Variants in ARID1B observed in about 807,000 individuals in gnomAD.
ARID1B encodes AT-rich interactive domain-containing protein 1B.
In ARID1B, 30 loss-of-function variants were observed where a neutral mutation model predicts 212.3. The ratio of observed to expected loss-of-function variants is 0.14; its 90% CI spans 0.11 to 0.19. The LOEUF is 0.19. Ranked by LOEUF, ARID1B falls within the 10% of genes least tolerant of loss-of-function variation. The pLI is 1.00. For synonymous variants in ARID1B, 1,402 were observed against 1,301.7 expected, an observed-to-expected ratio of 1.08 and a Z score of -1.66; for missense variants, 2,891 against 3,204.0, an observed-to-expected ratio of 0.90 and a Z score of 2.36.
At chr6:156,814,373 T>G (rs1354838694) in intron 1 of ARID1B, among the ~76,000 whole-genome samples, 1 of 152,044 alleles carries the variant, frequency 6.6e-6, no homozygotes, top group Non-Finnish European at 1.5e-5. Context: ...CGCACTACAG[T>G]CTGGGTGACA....
At chr6:157,029,054 C>A (rs1157100754) in intron 4 of ARID1B, among the ~76,000 whole-genome samples, 1 of 152,152 alleles carries the variant, frequency 6.6e-6, no homozygotes, top group Non-Finnish European at 1.5e-5. Context: ...AAAGATCTAT[C>A]TTTGAGCAAC....
At chr6:157,007,726 GT>G (rs34711541) in intron 4 of ARID1B, among the ~76,000 whole-genome samples, 38,119 of 138,294 alleles carry the variant, frequency 0.28, 5,147 homozygotes, top group Non-Finnish European at 0.32. Context: ...GCCCTAAGTT[GT>G]TTTTTTTTTT....
chr6:156,905,478 A>G (rs376697589), intron 3 of ARID1B, among the ~76,000 whole-genome samples: 21 of 152,362 alleles, frequency 1.4e-4, no homozygotes, highest in African/African-American at 5.1e-4. Context: ...GCCCACCCAC[A>G]TTATGGAAAA....
intron 5 of ARID1B, among the ~76,000 whole-genome samples, chr6:157,089,328 A>G (rs1331359580): frequency 1.3e-5 from 2 of 151,310 alleles, no homozygotes; most frequent in Admixed American, 1.3e-4. Flanking sequence ...CTTGCCTGTT[A>G]AACTGTTCCT....
intron 4 of ARID1B, chr6:156,940,118 CATT>C (rs1792557838): frequency 6.6e-6 from 1 of 152,116 alleles, no homozygotes; most frequent in Non-Finnish European, 1.5e-5. Context: ...ATAGGAGGTT[CATT>C]ATTCTGTTTA....
chr6:157,155,347 T>TA, intron 8 of ARID1B, among the ~76,000 whole-genome samples: 1 of 152,284 alleles, frequency 6.6e-6, no homozygotes, highest in Admixed American at 6.5e-5. Flanking sequence ...AAGGTAGTGA[T>TA]ATTGACACGG....
intron 5 of ARID1B, among the ~76,000 whole-genome samples, chr6:157,085,186 A>G (rs757223597): frequency 3.3e-5 from 5 of 152,184 alleles, no homozygotes; most frequent in Admixed American, 2.0e-4. Context: ...TCCTCTTAGC[A>G]TATGTTTTGT....
In ARID1B at chr6:157,184,461, G is replaced by A. The variant is rs773370105; in HGVS notation, c.3919+26G>A. 5.0e-6 allele frequency: 8 copies of A among 1,612,510 alleles called. No homozygotes were observed. In the East Asian group the frequency reaches 8.9e-5, roughly 18 times the overall value. On this transcript the variant is annotated intron_variant, in intron 13 of 19. Coordinates refer to ENST00000636930, the MANE Select transcript of ARID1B (RefSeq NM_001374828.1). ...GTAAGTGGCGGCGCTGCAGTCACTG[G>A]CCCAGGAAAGCCCAGGCGCCTGGCC...
In ARID1B at chr6:157,203,598, A is replaced by G. The variant is rs773537785; in HGVS notation, c.5264-268A>G. On this transcript the variant is annotated intron_variant, in intron 18 of 19. Transcript: ENST00000636930. The surrounding 1 kb of genome is among the most constrained non-coding windows in gnomAD (Gnocchi z 4.4). ...AATAACCCGGCCATGAGAAAGGACC[A>G]TCTGTGCTCAACCACTCCACCTCCA... is the stretch of plus-strand genomic sequence containing the variant. 2.6e-5 allele frequency: 11 copies of G among 422,038 alleles called. No individual in the cohort carries two copies. Among genetic ancestry groups the G allele is most frequent in the South Asian group, 2.4e-4 (9 of 37,450 alleles). The allele number at this position is 422,038 out of a possible 1,614,324, so 26.1% of individuals were successfully genotyped here. A position where few individuals can be genotyped will look rare whatever the true frequency, so the allele number is the denominator to read the frequency against.
chr6:157,203,428 C>T lies in ARID1B; in HGVS notation c.5264-438C>T, dbSNP rs1017328733. On this transcript the variant is annotated intron_variant, in intron 18 of 19. Coordinates refer to ENST00000636930, the MANE Select transcript of ARID1B (RefSeq NM_001374828.1). This position sits in a 1 kb window ranked among gnomAD's most constrained non-coding sequence, Gnocchi z 4.4. ...TGGAGTTAAATTTTGCTTCCATGTT[C>T]TGCATACTTGGCGGCCTTCCAGGAC... is the stretch of plus-strand genomic sequence containing the variant. 3.9e-5 allele frequency among the ~76,000 whole-genome samples: 6 copies of T among 152,230 alleles called. No individual in the cohort carries two copies. Among genetic ancestry groups the T allele is most frequent in the Admixed American group, 2.6e-4 (4 of 15,282 alleles).
chr6:157,201,448 A>C lies in ARID1B; in HGVS notation c.5223A>C (p.Pro1741=). The part of the protein sequence containing the change: ...FPPGSVEASQ[P]VLKQRRKITS... ...CTGGCTCAGTAGAAGCATCACAACC[A>C]GTCTTGAAACAAAGGCGAAAGATTA... Residue 1741 remains proline (P), a synonymous_variant, in exon 18 of 20, where the codon CCA becomes CCC. Transcript: ENST00000636930. The surrounding 1 kb of genome is among the most constrained non-coding windows in gnomAD (Gnocchi z 5.2). The C allele has an allele frequency of 6.6e-7, 1 of 1,524,064 alleles. No individual in the cohort carries two copies. Among genetic ancestry groups the C allele is most frequent in the Middle Eastern group, 1.8e-4 (1 of 5,630 alleles). 94.4% of individuals were successfully genotyped at this position (1,524,064 alleles called of 1,614,324 possible).
intron 15 of ARID1B, chr6:157,194,421 A>G (rs1029106529): frequency 6.6e-6 from 1 of 152,250 alleles, no homozygotes; most frequent in Non-Finnish European, 1.5e-5. Context: ...TACTCATGAA[A>G]TCTTAACCAG....
At chr6:156,933,342 A>G (rs2063224115) in intron 3 of ARID1B, among the ~76,000 whole-genome samples, 1 of 152,098 alleles carries the variant, frequency 6.6e-6, no homozygotes, top group African/African-American at 2.4e-5. Context: ...GCTGTCCTGC[A>G]CCTTTGTGCT....
chr6:156,970,209 T>C (rs1776826675), intron 4 of ARID1B, among the ~76,000 whole-genome samples: 1 of 151,988 alleles, frequency 6.6e-6, no homozygotes, highest in Non-Finnish European at 1.5e-5. Context: ...GCCTCCTGAG[T>C]AGCTGGGATT....
chr6:157,108,832 G>C (rs1285912330), intron 5 of ARID1B, among the ~76,000 whole-genome samples: 3 of 152,186 alleles, frequency 2.0e-5, no homozygotes, highest in African/African-American at 7.2e-5. Flanking sequence ...GTAAAAAGCA[G>C]CTTCTAGTGG....
chr6:156,965,193 GT>G (rs916408514), intron 4 of ARID1B, among the ~76,000 whole-genome samples: 1 of 152,156 alleles, frequency 6.6e-6, no homozygotes, highest in Non-Finnish European at 1.5e-5. Flanking sequence ...TTTAAACACA[GT>G]TTTTTAAAGC....
At chr6:157,142,082 G>A (rs1789399880) in intron 7 of ARID1B, among the ~76,000 whole-genome samples, 1 of 152,194 alleles carries the variant, frequency 6.6e-6, no homozygotes, top group African/African-American at 2.4e-5. Context: ...GTGGATGGAT[G>A]TCAAAGGCAT....
chr6:157,098,995 G>A (rs372382963), intron 5 of ARID1B, among the ~76,000 whole-genome samples: 168 of 152,132 alleles, frequency 1.1e-3, no homozygotes, highest in African/African-American at 3.7e-3. Context: ...ACGGAGTCTC[G>A]CTCTGTCACC....
rs1465698737 is a variant in ARID1B, at chr6:157,084,744, G to A, written c.2330G>A (p.Ser777Asn). 1 of 1,614,174 alleles carries A rather than the reference G, an allele frequency of 6.2e-7. No homozygotes were observed. Residue 777 changes from serine to asparagine, a missense_variant, in exon 5 of 20, where the codon AGC becomes AAC. Ser to Asn is a conservative substitution (Grantham distance 46, BLOSUM62 1). Transcript: ENST00000636930. ...GCAGTCAGTGCATCCGGGTCCACGA[G>A]CAGCCAAGGGGATCAGAGCAACCCG... ...SSAVSASGST[S>N]SQGDQSNPAQ... is the part of the protein sequence containing the mutation.
Sources: allele counts gnomAD v4.1 joint callset (sites outside exome capture counted in the v4.1 genomes callset), GRCh38; gene constraint gnomAD v4.1.1; non-coding constraint Gnocchi (gnomAD v3.1); transcripts MANE v1.5; gene names NCBI Gene and HGNC (gene_info 2026-07-23, HGNC 2026-07-21).